The following GDPD1 variants were observed in gnomAD, a reference collection of about 807,000 sequenced individuals.
The protein encoded by GDPD1 is lysophospholipase D GDPD1.
A neutral mutation model predicts 45.1 loss-of-function variants in GDPD1; 28 were observed. The observed-to-expected ratio is 0.62, with a 90% CI of 0.46 to 0.85. The LOEUF (loss-of-function observed/expected upper bound fraction) is 0.85, where lower values mean the gene tolerates loss of function less well. GDPD1 is among the 40% of genes least tolerant of loss of function. The pLI is 0.00. For missense variants in GDPD1, 256 were observed against 364.8 expected (o/e 0.70, Z 2.43); for synonymous variants, 139 against 131.4 (o/e 1.06, Z -0.40).
chr17:59,233,511 CAAAAAAAAAA>C (rs35485066), intron 1 of GDPD1, among the ~76,000 whole-genome samples: 2 of 91,080 alleles, frequency 2.2e-5, no homozygotes, highest in African/African-American at 3.8e-5. Flanking sequence ...GACTCCGTCT[CAAAAAAAAAA>C]AAAAAAAAGA....
intron 4 of GDPD1, among the ~76,000 whole-genome samples, chr17:59,256,391 T>TA (rs773168667): frequency 6.6e-6 from 1 of 152,060 alleles, no homozygotes; most frequent in Non-Finnish European, 1.5e-5. Flanking sequence ...AAAGAACAAT[T>TA]AAAGTCCCCT....
chr17:59,250,617 A>AAT lies in GDPD1; in HGVS notation c.367+1833_367+1834insTA, dbSNP rs1167228761. On this transcript the variant is annotated intron_variant, in intron 4 of 9. Transcript: ENST00000284116. ...GGTGACAGTGAGACCTTGTCTCAAA[A>AAT]AAAAAAAAAAAAAAATCCTTTGAGG... 5.1e-3 allele frequency among the ~76,000 whole-genome samples: 744 copies of AAT among 146,154 alleles called. 10 individuals are homozygous for AAT. The highest frequency in any genetic ancestry group is 0.019 in the African/African-American group (705 of 38,072).
At chr17:59,248,171 G>A (rs1180448720) in intron 3 of GDPD1, among the ~76,000 whole-genome samples, 3 of 151,864 alleles carry the variant, frequency 2.0e-5, no homozygotes, top group Non-Finnish European at 4.4e-5. Flanking sequence ...GCTGAGGCTT[G>A]CCAAAAGAAG....
At chr17:59,255,856 CGTAT>C (rs2047303195) in intron 4 of GDPD1, among the ~76,000 whole-genome samples, 2 of 72,972 alleles carry the variant, frequency 2.7e-5, no homozygotes, top group African/African-American at 2.0e-4. Flanking sequence ...TATATACACA[CGTAT>C]ATATATATAT....
chr17:59,256,552 A>G (rs1457557110), intron 4 of GDPD1, among the ~76,000 whole-genome samples: 1 of 152,202 alleles, frequency 6.6e-6, no homozygotes, highest in African/African-American at 2.4e-5. Context: ...TTTAGAAACA[A>G]TCTCAGTATC....
Position 59,271,157 on chromosome 17 carries a change from T to C in GDPD1, c.770+162T>C, listed in dbSNP as rs138580828. On this transcript the variant is annotated intron_variant, in intron 8 of 9. Coordinates refer to ENST00000284116, the MANE Select transcript of GDPD1 (RefSeq NM_182569.4). ...TATGAATCATTTAGAAATATCTTAA[T>C]TACTAATCACAAAATCTTAGGAAGA... is the stretch of plus-strand genomic sequence containing the variant. Among the ~76,000 whole-genome samples the C allele has an allele frequency of 3.0e-3, 460 of 152,334 alleles. 3 individuals are homozygous for C. Among genetic ancestry groups the C allele is most frequent in the African/African-American group, 0.011 (448 of 41,584 alleles).
chr17:59,238,554 CA>C (rs2047152700), intron 2 of GDPD1, among the ~76,000 whole-genome samples: 1 of 151,830 alleles, frequency 6.6e-6, no homozygotes, highest in East Asian at 2.0e-4. Flanking sequence ...GCTGGGACTA[CA>C]GGCGCATGCC....
chr17:59,259,566 CAA>C (rs71367681), intron 6 of GDPD1, among the ~76,000 whole-genome samples: 7 of 24,842 alleles, frequency 2.8e-4, no homozygotes, highest in African/African-American at 7.2e-4. Context: ...GACTCTGTCT[CAA>C]AAAAAAAAAA....
intron 3 of GDPD1, among the ~76,000 whole-genome samples, chr17:59,247,914 GCCAC>G (rs1597976568): frequency 6.6e-6 from 1 of 152,026 alleles, no homozygotes; most frequent in East Asian, 1.9e-4. Context: ...ATAGGGGTGA[GCCAC>G]TGCACCCAGC....
intron 2 of GDPD1, among the ~76,000 whole-genome samples, chr17:59,240,865 C>T (rs1244211442): frequency 6.6e-6 from 1 of 152,136 alleles, no homozygotes; most frequent in Non-Finnish European, 1.5e-5. Context: ...ATTCACTCAC[C>T]ACTCACTCAG....
At chr17:59,236,818 G>A (rs1376370304) in intron 2 of GDPD1, among the ~76,000 whole-genome samples, 2 of 151,944 alleles carry the variant, frequency 1.3e-5, no homozygotes, top group Non-Finnish European at 2.9e-5. Context: ...CCTTTCATAT[G>A]CTATTGTTAA....
rs962802795 is a variant in GDPD1, at chr17:59,271,145, G to C, written c.770+150G>C. ...ATGTAAAATGTGTATGAATCATTTAGAAATATCTTAATTACTAATCACAAA... is the reference window on the plus strand; with the variant it reads ...ATGTAAAATGTGTATGAATCATTTACAAATATCTTAATTACTAATCACAAA... On this transcript the variant is annotated intron_variant, in intron 8 of 9. Coordinates refer to ENST00000284116, the MANE Select transcript of GDPD1 (RefSeq NM_182569.4). 12 of 526,834 alleles carry C rather than the reference G, an allele frequency of 2.3e-5. 1 individual carries two copies. The highest frequency in any genetic ancestry group is 3.7e-5 in the Non-Finnish European group (11 of 295,756). 32.6% of individuals were successfully genotyped at this position (526,834 alleles called of 1,614,324 possible).
At chr17:59,235,230 G>A (rs2047122546) in intron 2 of GDPD1, among the ~76,000 whole-genome samples, 1 of 151,850 alleles carries the variant, frequency 6.6e-6, no homozygotes, top group African/African-American at 2.4e-5. Context: ...TAATTAGTAA[G>A]GTCCATATTT....
chr17:59,224,154 T>C (rs1056390235), intron 1 of GDPD1, among the ~76,000 whole-genome samples: 5 of 152,214 alleles, frequency 3.3e-5, no homozygotes, highest in Admixed American at 1.3e-4. Context: ...ATTCAATGAA[T>C]CAATAGTTTC....
intron 6 of GDPD1, 65 bp downstream of exon 6, chr17:59,257,905 G>T: frequency 9.4e-7 from 1 of 1,061,520 alleles, no homozygotes; most frequent in Non-Finnish European, 1.4e-6. Context: ...CAAATGATAA[G>T]TTATTATAGT....
intron 7 of GDPD1, among the ~76,000 whole-genome samples, chr17:59,267,906 A>G (rs1349776729): frequency 2.6e-5 from 4 of 151,942 alleles, no homozygotes; most frequent in African/African-American, 4.8e-5. Context: ...CTTACCTCAG[A>G]TGATCCACCC....
chr17:59,269,631 T>C (rs964462307), intron 7 of GDPD1, among the ~76,000 whole-genome samples: 2 of 152,058 alleles, frequency 1.3e-5, no homozygotes, highest in Admixed American at 6.6e-5. Context: ...CATACCAGCC[T>C]GGCCAACATG....
At chr17:59,266,801 G>A (rs181219362) in intron 6 of GDPD1, among the ~76,000 whole-genome samples, 201 of 152,220 alleles carry the variant, frequency 1.3e-3, no homozygotes, top group Non-Finnish European at 2.1e-3. Context: ...AAGCAGAGAC[G>A]GTAATAGAGA....
chr17:59,257,265 G>A lies in GDPD1; in HGVS notation c.486+25G>A, dbSNP rs1187440200. 2.6e-6 allele frequency: 3 copies of A among 1,171,150 alleles called. No homozygotes were observed. The Admixed American group carries it at 5.9e-5, about 23-fold the overall frequency. The allele number at this position is 1,171,150 out of a possible 1,614,324, so 72.5% of individuals were successfully genotyped here. A position where few individuals can be genotyped will look rare whatever the true frequency, so the allele number is the denominator to read the frequency against. On this transcript the variant is annotated intron_variant, in intron 5 of 9. Coordinates refer to ENST00000284116, the MANE Select transcript of GDPD1 (RefSeq NM_182569.4). ...GGTACTCAAGGCATTGCCTCCTCTG[G>A]GTGTGTTGCATCCTATTTCACAAAC... is the stretch of plus-strand genomic sequence containing the variant.
Sources: allele counts gnomAD v4.1 joint callset (sites outside exome capture counted in the v4.1 genomes callset), GRCh38; gene constraint gnomAD v4.1.1; transcripts MANE v1.5; gene names NCBI Gene and HGNC (gene_info 2026-07-23, HGNC 2026-07-21).